The following PALM2AKAP2 variants were observed in gnomAD, a reference collection of about 807,000 sequenced individuals.
The protein encoded by PALM2AKAP2 is PALM2 and AKAP2 fusion, also known as PALM2-AKAP2 fusion protein.
PALM2AKAP2 carries 37 observed loss-of-function variants against 71.5 expected under a neutral mutation model. The observed-to-expected ratio is 0.52, with a 90% confidence interval of 0.40 to 0.68. The LOEUF (loss-of-function observed/expected upper bound fraction) is 0.68. PALM2AKAP2 is among the 30% of genes least tolerant of loss of function. The pLI is 0.00. For synonymous variants in PALM2AKAP2, 468 were observed against 478.8 expected (o/e 0.98, Z 0.29); for missense variants, 1,224 against 1,191.8 (o/e 1.03, Z -0.40).
chr9:110,012,853 G>A (rs1246096023), intron 6 of PALM2AKAP2, among the ~76,000 whole-genome samples: 1 of 152,168 alleles, frequency 6.6e-6, no homozygotes, highest in African/African-American at 2.4e-5. Flanking sequence ...TGAAATAATA[G>A]AGATGATAGA....
At chr9:109,781,715 G>A (rs1826804443) in intron 1 of PALM2AKAP2, among the ~76,000 whole-genome samples, 1 of 152,218 alleles carries the variant, frequency 6.6e-6, no homozygotes, top group Non-Finnish European at 1.5e-5. Flanking sequence ...CCACTGAAGT[G>A]AGAGAGATGT....
chr9:109,710,367 C>T (rs2118605592), intron 1 of PALM2AKAP2, among the ~76,000 whole-genome samples: 1 of 152,318 alleles, frequency 6.6e-6, no homozygotes, highest in South Asian at 2.1e-4. Flanking sequence ...TTGTGCAAGG[C>T]ACAAACTACA....
chr9:109,876,301 A>T (rs574658093), intron 2 of PALM2AKAP2, among the ~76,000 whole-genome samples: 2 of 152,180 alleles, frequency 1.3e-5, no homozygotes, highest in Admixed American at 6.5e-5. Flanking sequence ...TGGAGACAAC[A>T]TAAGGGGGAT....
chr9:109,778,418 C>T (rs1251511007), upstream of PALM2AKAP2, among the ~76,000 whole-genome samples: 1 of 152,188 alleles, frequency 6.6e-6, no homozygotes, highest in Non-Finnish European at 1.5e-5. Context: ...GAGCAAACCC[C>T]TTTAAATAAC....
intron 1 of PALM2AKAP2, among the ~76,000 whole-genome samples, chr9:109,786,405 T>G (rs192448759): frequency 6.6e-6 from 1 of 152,334 alleles, no homozygotes; most frequent in East Asian, 1.9e-4. Flanking sequence ...TGTGGACTTG[T>G]GTTATTGGTA....
chr9:110,021,193 A>G (rs1217023404), intron 7 of PALM2AKAP2, among the ~76,000 whole-genome samples: 1 of 152,154 alleles, frequency 6.6e-6, no homozygotes, highest in Non-Finnish European at 1.5e-5. Flanking sequence ...CTTATAAGAG[A>G]CAAAAGAGGA....
At chr9:109,707,475 T>C (rs2118598581) in intron 1 of PALM2AKAP2, among the ~76,000 whole-genome samples, 1 of 152,258 alleles carries the variant, frequency 6.6e-6, no homozygotes, top group South Asian at 2.1e-4. Flanking sequence ...AGGTGAGCAG[T>C]GACAACAGCC....
intron 6 of PALM2AKAP2, among the ~76,000 whole-genome samples, chr9:109,953,138 A>G (rs918987614): frequency 6.6e-6 from 1 of 152,208 alleles, no homozygotes; most frequent in Non-Finnish European, 1.5e-5. Flanking sequence ...GATCCATAAT[A>G]TTGACTATTG....
At chr9:109,914,754 G>A (rs560494690) in intron 3 of PALM2AKAP2, among the ~76,000 whole-genome samples, 16 of 152,318 alleles carry the variant, frequency 1.1e-4, no homozygotes, top group Admixed American at 7.8e-4. Flanking sequence ...TTGGCTATAG[G>A]GTAGGGCGTA....
At chr9:109,756,297 T>C (rs1460370059) in intron 1 of PALM2AKAP2, among the ~76,000 whole-genome samples, 1 of 152,200 alleles carries the variant, frequency 6.6e-6, no homozygotes, top group Non-Finnish European at 1.5e-5. Context: ...AATGAACATT[T>C]CTCTCGTGTC....
intron 2 of PALM2AKAP2, among the ~76,000 whole-genome samples, chr9:110,139,343 G>A (rs1447974692): frequency 6.6e-6 from 1 of 152,106 alleles, no homozygotes. Flanking sequence ...TAGCAATCAG[G>A]GATCCACAGA....
At chr9:109,839,315 G>T (rs1828583616) in intron 1 of PALM2AKAP2, among the ~76,000 whole-genome samples, 1 of 152,118 alleles carries the variant, frequency 6.6e-6, no homozygotes, top group Admixed American at 6.5e-5. Flanking sequence ...TGCAGAAAAG[G>T]CCTTTGACAA....
chr9:110,165,621 G>A (rs1289969074), intron 3 of PALM2AKAP2, among the ~76,000 whole-genome samples: 3 of 152,172 alleles, frequency 2.0e-5, no homozygotes, highest in Non-Finnish European at 4.4e-5. Context: ...ATTAAGAAAA[G>A]AGAGCTCATT....
intron 1 of PALM2AKAP2, among the ~76,000 whole-genome samples, chr9:109,644,899 G>A (rs1437805455): frequency 1.3e-5 from 2 of 152,182 alleles, no homozygotes; most frequent in East Asian, 3.8e-4. Context: ...ATCGTTATCA[G>A]CATTTTGGTC....
At chr9:110,042,910 C>G (rs1833532235) in intron 7 of PALM2AKAP2, among the ~76,000 whole-genome samples, 1 of 152,110 alleles carries the variant, frequency 6.6e-6, no homozygotes, top group Admixed American at 6.5e-5. Context: ...ACAAACAACC[C>G]AATTATAGAT....
At position 110,077,963 on chromosome 9, in the gene PALM2AKAP2, G is replaced by A. The variant is rs111397142; in HGVS notation, c.156+29108G>A. 8.6e-5 allele frequency among the ~76,000 whole-genome samples: 13 copies of A among 150,970 alleles called. 1 individual carries two copies. Among genetic ancestry groups the A allele is most frequent in the Admixed American group, 6.6e-4 (10 of 15,146 alleles). On this transcript the variant is annotated intron_variant, in intron 1 of 3. Transcript: ENST00000374525. ...CAGGAGGCAGAGGTTTCAGTGAGCCGAGATCGCGCTACTGCACTCCAGCCT... is the reference window on the plus strand; with the variant it reads ...CAGGAGGCAGAGGTTTCAGTGAGCCAAGATCGCGCTACTGCACTCCAGCCT...
chr9:109,978,041 G>C lies in PALM2AKAP2; in HGVS notation c.497-37913G>C, dbSNP rs184007498. ...AGCTTTCCCTCAAACCATAATGTCAGAGTGAGTGAAGGAGCATTTCTAGAA... is the reference window on the plus strand; with the variant it reads ...AGCTTTCCCTCAAACCATAATGTCACAGTGAGTGAAGGAGCATTTCTAGAA... On this transcript the variant is annotated intron_variant, in intron 6 of 9. Coordinates refer to the PALM2AKAP2 transcript ENST00000302798. Among the ~76,000 whole-genome samples the C allele has an allele frequency of 1.8e-3, 277 of 152,290 alleles. 4 individuals carry two copies. The highest frequency in any genetic ancestry group is 0.013 in the Admixed American group (205 of 15,302).
chr9:109,664,662 G>T (rs1435942326), intron 1 of PALM2AKAP2, among the ~76,000 whole-genome samples: 1 of 152,128 alleles, frequency 6.6e-6, no homozygotes, highest in Non-Finnish European at 1.5e-5. Flanking sequence ...TGACAATTAT[G>T]TGTGTTGGGG....
chr9:109,880,653 G>A (rs1191104675), exon 3 of PALM2AKAP2: 1 of 1,614,044 alleles, frequency 6.2e-7, no homozygotes, highest in East Asian at 2.2e-5. Context: ...TGAGTTCAGA[G>A]TCAAGCAACT....
Sources: allele counts gnomAD v4.1 joint callset (sites outside exome capture counted in the v4.1 genomes callset), GRCh38; gene constraint gnomAD v4.1.1; transcripts MANE v1.5; gene names NCBI Gene and HGNC (gene_info 2026-07-23, HGNC 2026-07-21).